The following MAP3K5 variants were observed in gnomAD, a reference collection of about 807,000 sequenced individuals.
MAP3K5 encodes the protein mitogen-activated protein kinase kinase kinase 5.
MAP3K5 carries 56 observed loss-of-function variants against 158.7 expected under a neutral mutation model. That is an observed-to-expected ratio of 0.35 (90% CI 0.28 to 0.44). The LOEUF (loss-of-function observed/expected upper bound fraction) is 0.44. MAP3K5 is among the 20% of genes least tolerant of loss of function. The pLI, the probability that MAP3K5 is intolerant of heterozygous loss-of-function variation, is 1.00. For missense variants in MAP3K5, 1,294 were observed against 1,674.8 expected (o/e 0.77, Z 3.97); for synonymous variants, 579 against 601.7 (o/e 0.96, Z 0.55).
rs1410788764 is a variant in MAP3K5 at position 136,792,230 on chromosome 6, G to A, written c.-73C>T. ...ACCGCCTGGCCAGCCACAGCTCGGG[G>A]CTGCTCCGCGCCCGCCGGGCTAAGC... On this transcript the variant is annotated 5_prime_UTR_variant, in exon 1 of 30. Coordinates refer to ENST00000359015, the MANE Select transcript of MAP3K5 (RefSeq NM_005923.4). This position sits in a 1 kb window ranked among gnomAD's most constrained non-coding sequence, Gnocchi z 5.7. 1 of 1,401,534 alleles carries A rather than the reference G, an allele frequency of 7.1e-7. No individual in the cohort carries two copies. The highest frequency in any genetic ancestry group is 3.6e-5 in the Admixed American group (1 of 27,940). The allele number at this position is 1,401,534 out of a possible 1,614,324, so 86.8% of individuals were successfully genotyped here.
At chr6:136,663,155 A>C (rs1779078343) in intron 8 of MAP3K5, among the ~76,000 whole-genome samples, 2 of 60,532 alleles carry the variant, frequency 3.3e-5, no homozygotes, top group South Asian at 1.6e-3. Flanking sequence ...TTTTGTAGTA[A>C]GGAAAAATAA....
chr6:136,732,275 A>C (rs984060058), intron 1 of MAP3K5, among the ~76,000 whole-genome samples: 4 of 152,126 alleles, frequency 2.6e-5, no homozygotes, highest in Admixed American at 6.5e-5. Flanking sequence ...AAATACAAAA[A>C]CTAGCCAGGC....
intron 14 of MAP3K5, among the ~76,000 whole-genome samples, chr6:136,629,614 C>T (rs1777223577): frequency 6.6e-6 from 1 of 151,908 alleles, no homozygotes; most frequent in African/African-American, 2.4e-5. Context: ...GCCACCACAC[C>T]CAGCTAATTT....
At chr6:136,591,861 T>C (rs1416951131) in intron 23 of MAP3K5, among the ~76,000 whole-genome samples, 1 of 152,202 alleles carries the variant, frequency 6.6e-6, no homozygotes, top group African/African-American at 2.4e-5. Context: ...ATTGATGGAA[T>C]GAATAAACAA....
intron 5 of MAP3K5, 51 bp from the exon 6 acceptor site, chr6:136,696,108 C>A: frequency 9.4e-7 from 1 of 1,067,292 alleles, no homozygotes; most frequent in Non-Finnish European, 1.4e-6. Flanking sequence ...GGAGAAAATT[C>A]TCACAATAAC....
At chr6:136,583,276 A>G (rs1285316500) in intron 24 of MAP3K5, among the ~76,000 whole-genome samples, 3 of 152,214 alleles carry the variant, frequency 2.0e-5, no homozygotes, top group Non-Finnish European at 4.4e-5. Context: ...ACAATGACCC[A>G]ACATAATTTC....
intron 1 of MAP3K5, among the ~76,000 whole-genome samples, chr6:136,747,113 G>A (rs983967229): frequency 1.3e-5 from 2 of 152,156 alleles, no homozygotes; most frequent in Non-Finnish European, 1.5e-5. Flanking sequence ...TAGAGGCAGG[G>A]TCTTGCTACA....
At chr6:136,658,278 TTC>T (rs771723019) in intron 9 of MAP3K5, among the ~76,000 whole-genome samples, 12 of 147,538 alleles carry the variant, frequency 8.1e-5, no homozygotes, top group Admixed American at 3.4e-4. Context: ...CTAATAAAAA[TTC>T]TTTTTCTTTT....
intron 2 of MAP3K5, among the ~76,000 whole-genome samples, chr6:136,706,055 C>T (rs1412236130): frequency 2.0e-5 from 3 of 152,036 alleles, no homozygotes; most frequent in Admixed American, 6.5e-5. Flanking sequence ...GTCATGAGCT[C>T]GAGACCAGCC....
rs193139362 is a variant in MAP3K5 at position 136,708,765 on chromosome 6, G to A, written c.589-3632C>T. On this transcript the variant is annotated intron_variant, in intron 2 of 29. Coordinates refer to ENST00000359015, the MANE Select transcript of MAP3K5 (RefSeq NM_005923.4). ...ACACACAGAAATGGCTCACGAACAA[G>A]GAAGCTGAAAAATGTTGGATAATCA... Among the ~76,000 whole-genome samples, 94 of 152,246 alleles carry A rather than the reference G, an allele frequency of 6.2e-4. 1 individual carries two copies. The highest frequency in any genetic ancestry group is 3.1e-4 in the Non-Finnish European group (21 of 68,012).
chr6:136,634,834 T>C (rs1047420005), intron 14 of MAP3K5, among the ~76,000 whole-genome samples: 1 of 152,052 alleles, frequency 6.6e-6, no homozygotes, highest in Non-Finnish European at 1.5e-5. Flanking sequence ...CCCAATGTGC[T>C]GGGATTACAG....
intron 1 of MAP3K5, among the ~76,000 whole-genome samples, chr6:136,790,366 C>A (rs1222577823): frequency 6.6e-6 from 1 of 152,122 alleles, no homozygotes; most frequent in African/African-American, 2.4e-5. Context: ...TCTTTTAGTT[C>A]TTTGAAGTTT....
At chr6:136,785,673 C>T (rs563338983) in intron 1 of MAP3K5, among the ~76,000 whole-genome samples, 2 of 152,294 alleles carry the variant, frequency 1.3e-5, no homozygotes, top group East Asian at 3.9e-4. Flanking sequence ...CACAGCATCC[C>T]GGTTCTCCCT....
rs1471986553 is a variant in MAP3K5 at position 136,792,026 on chromosome 6, G to A, written c.132C>T (p.His44=). The part of the protein sequence containing the change: ...GAAAVGEGEE[H]QLPPPPPGSF... ...TGCCCGGCGGCGGCGGTGGCAGCTG[G>A]TGCTCCTCGCCCTCGCCCACCGCCG... Residue 44 remains histidine, a synonymous_variant, in exon 1 of 30, where the codon CAC becomes CAT. Coordinates refer to ENST00000359015, the MANE Select transcript of MAP3K5 (RefSeq NM_005923.4). The surrounding 1 kb of genome is among the most constrained non-coding windows in gnomAD (Gnocchi z 5.7). 2 of 1,570,630 alleles carry A rather than the reference G, an allele frequency of 1.3e-6. No homozygotes were observed. The highest frequency in any genetic ancestry group is 1.7e-6 in the Non-Finnish European group (2 of 1,164,446).
At chr6:136,607,819 T>C (rs528253678) in intron 18 of MAP3K5, among the ~76,000 whole-genome samples, 178 of 152,244 alleles carry the variant, frequency 1.2e-3, no homozygotes, top group Non-Finnish European at 2.2e-3. Context: ...AGAAAACATA[T>C]AGAAATACCT....
At chr6:136,623,967 G>T (rs371401512) in intron 14 of MAP3K5, among the ~76,000 whole-genome samples, 1 of 152,146 alleles carries the variant, frequency 6.6e-6, no homozygotes, top group Admixed American at 6.5e-5. Context: ...GCTGAGGCAG[G>T]TGCATCACCT....
At chr6:136,572,513 T>C (rs1774417217) in intron 25 of MAP3K5, among the ~76,000 whole-genome samples, 1 of 152,238 alleles carries the variant, frequency 6.6e-6, no homozygotes, top group Admixed American at 6.5e-5. Flanking sequence ...CGCCTCGGCC[T>C]CCCAAAGTGC....
chr6:136,661,216 T>C (rs1778991196), intron 8 of MAP3K5, among the ~76,000 whole-genome samples: 1 of 152,194 alleles, frequency 6.6e-6, no homozygotes, highest in Non-Finnish European at 1.5e-5. Context: ...TTTTTCATGT[T>C]ACTTTTTATC....
At chr6:136,583,424 C>CT in intron 24 of MAP3K5, 131 bp downstream of exon 24, 1 of 824,688 alleles carries the variant, frequency 1.2e-6, no homozygotes, top group Non-Finnish European at 1.8e-6. Flanking sequence ...AGGCGAATAT[C>CT]TCACATTTTT....
Sources: gnomAD v4.1 joint callset for allele counts (sites outside exome capture counted in the v4.1 genomes callset) on GRCh38, gnomAD v4.1.1 for gene constraint, Gnocchi (gnomAD v3.1) non-coding constraint, MANE v1.5 for transcripts, NCBI Gene and HGNC (gene_info 2026-07-23, HGNC 2026-07-21) for gene names.